Variants in CR2 observed in about 807,000 individuals in gnomAD.
The protein encoded by CR2 is complement C3d receptor 2.
Under a neutral mutation model 123.0 loss-of-function variants are expected in CR2, and 96 were observed. The observed-to-expected ratio is 0.78, with a 90% CI of 0.66 to 0.93. The LOEUF is 0.93. CR2 is among the 40% of genes least tolerant of loss of function. The pLI is 0.00. For missense variants in CR2, 1,258 were observed against 1,361.0 expected, an observed-to-expected ratio of 0.92 and a Z score of 1.19; for synonymous variants, 484 against 469.5, an observed-to-expected ratio of 1.03 and a Z score of -0.40.
chr1:207,462,986 A>T (rs1658003484), intron 1 of CR2, among the ~76,000 whole-genome samples: 1 of 152,216 alleles, frequency 6.6e-6, no homozygotes, highest in Non-Finnish European at 1.5e-5. Flanking sequence ...AAAGTTTTGT[A>T]AATGTAAGAA....
intron 1 of CR2, among the ~76,000 whole-genome samples, chr1:207,460,192 G>C (rs1657932190): frequency 6.6e-6 from 1 of 152,148 alleles, no homozygotes; most frequent in South Asian, 2.1e-4. Flanking sequence ...TGTCTTCATT[G>C]AGGTCAAACC....
intron 18 of CR2, among the ~76,000 whole-genome samples, chr1:207,481,090 C>T (rs766380128): frequency 1.9e-4 from 29 of 151,916 alleles, no homozygotes; most frequent in Non-Finnish European, 2.9e-4. Flanking sequence ...TATATTACTA[C>T]GTTTCTATGT....
chr1:207,469,778 G>A lies in CR2; in HGVS notation c.901G>A (p.Val301Ile), dbSNP rs1658210246. ...SLANVSYGSI[V>I]TYTCDPDPEE... Reference sequence around the variant, plus strand: ...AGCAAATGTCTCATATGGAAGCATAGTCACTTACACTTGTGACCCGGACCC... The same window carrying A: ...AGCAAATGTCTCATATGGAAGCATAATCACTTACACTTGTGACCCGGACCC... Residue 301 changes from valine to isoleucine, a missense_variant, in exon 6 of 20, where the codon GTC (valine) becomes ATC (isoleucine). By Grantham distance (29) the Val-to-Ile change is conservative (BLOSUM62 3). Coordinates refer to ENST00000367057, the MANE Select transcript of CR2 (RefSeq NM_001006658.3). 6.2e-7 allele frequency: 1 copy of A among 1,613,848 alleles called. No homozygotes were observed. Among genetic ancestry groups the A allele is most frequent in the Non-Finnish European group, 8.5e-7 (1 of 1,179,922 alleles).
In CR2 at chr1:207,476,302, T is replaced by G. The variant is rs1201495646; in HGVS notation, c.2785T>G (p.Phe929Val). 1.9e-6 allele frequency: 3 copies of G among 1,613,964 alleles called. No individual in the cohort carries two copies. In the African/African-American group the frequency reaches 4.0e-5, roughly 22 times the overall value. The change falls in exon 15 of 20, where the codon TTT becomes GTT. Residue 929 changes from phenylalanine to valine, a missense_variant. Coordinates refer to ENST00000367057, the MANE Select transcript of CR2 (RefSeq NM_001006658.3). ...GNHTGGNIAR[F>V]SPGMSILYSC... ...CCATACTGGTGGAAACATAGCTCGA[T>G]TTTCTCCTGGAATGTCAATCCTGTA...
chr1:207,480,914 TA>T (rs1396998021), intron 18 of CR2, among the ~76,000 whole-genome samples: 1 of 145,196 alleles, frequency 6.9e-6, no homozygotes, highest in Non-Finnish European at 1.5e-5. Context: ...GAATCATTTA[TA>T]ATTTCAAAAA....
chr1:207,462,029 T>C (rs1657979038), intron 1 of CR2, among the ~76,000 whole-genome samples: 1 of 152,200 alleles, frequency 6.6e-6, no homozygotes, highest in Non-Finnish European at 1.5e-5. Context: ...ATGGTATCCA[T>C]ACTGTGTTAG....
At chr1:207,478,380 TAAC>T (rs1658500924) in intron 16 of CR2, among the ~76,000 whole-genome samples, 1 of 150,326 alleles carries the variant, frequency 6.7e-6, no homozygotes, top group Admixed American at 6.6e-5. Flanking sequence ...ATAATAATAA[TAAC>T]CAGGCATGGA....
rs766120010 is a variant in CR2 at position 207,473,870 on chromosome 1, C to T, written c.2225C>T (p.Thr742Met). The T allele has an allele frequency of 1.7e-5, 27 of 1,613,632 alleles. No homozygotes were observed. Among genetic ancestry groups the T allele is most frequent in the East Asian group, 1.3e-4 (6 of 44,886 alleles). Residue 742 changes from threonine (T) to methionine (M), a missense_variant, in exon 12 of 20, where the codon ACG becomes ATG. Thr to Met is a moderately conservative substitution (Grantham distance 81, BLOSUM62 -1). Coordinates refer to ENST00000367057, the MANE Select transcript of CR2 (RefSeq NM_001006658.3). ...PAGSRVELVNTSCQDGYQLTG... is the reference protein window; with the variant it reads ...PAGSRVELVNMSCQDGYQLTG... Reference sequence around the variant, plus strand: ...GGTTCACGTGTGGAGCTAGTTAATACGTCCTGCCAAGATGGGTGAGTATGA... The same window carrying T: ...GGTTCACGTGTGGAGCTAGTTAATATGTCCTGCCAAGATGGGTGAGTATGA...
chr1:207,487,508 G>A (rs910539486), intron 19 of CR2, among the ~76,000 whole-genome samples: 12 of 152,222 alleles, frequency 7.9e-5, no homozygotes, highest in Non-Finnish European at 1.2e-4. Context: ...CTGACTGGAC[G>A]GAGCTTAAGA....
chr1:207,472,332 CT>C (rs1435989786), intron 9 of CR2, among the ~76,000 whole-genome samples: 1 of 152,182 alleles, frequency 6.6e-6, no homozygotes, highest in Non-Finnish European at 1.5e-5. Context: ...ACTATTGCTA[CT>C]TTCTGGATGA....
rs1317849126 is a variant in CR2, at chr1:207,479,996, T to TA, written c.3132dup (p.Leu1045ThrfsTer42). 4 of 1,613,194 alleles carry TA rather than the reference T, an allele frequency of 2.5e-6. No homozygotes were observed. The highest frequency in any genetic ancestry group is 3.4e-6 in the Non-Finnish European group (4 of 1,179,246). On this transcript the variant is annotated frameshift_variant, in exon 18 of 20. Transcript: ENST00000367057. LOFTEE classifies it high-confidence loss of function. ...CTTCTAGGTATTGCTGCAGGTTTGATACTTCTTACCTTCTTGATTGTCATT... is the reference window on the plus strand; with the variant it reads ...CTTCTAGGTATTGCTGCAGGTTTGATAACTTCTTACCTTCTTGATTGTCATT...
Position 207,485,505 on chromosome 1 carries a change from T to G in CR2, c.3230T>G (p.Leu1077Ter). ...ACAAGCCAGAAAGAAGCTTTTCATT[T>G]AGAAGCACGAGAAGTATATTCTGTT... ...TDTSQKEAFHLEAREVYSVDP... is the reference protein window; with the variant it reads ...TDTSQKEAFH The change falls in exon 19 of 20, where the codon TTA becomes TGA. Residue 1077 changes from leucine (L) to a stop codon, truncating the protein, a stop_gained. Coordinates refer to ENST00000367057, the MANE Select transcript of CR2 (RefSeq NM_001006658.3). LOFTEE classifies it high-confidence loss of function. 1 of 1,613,618 alleles carries G rather than the reference T, an allele frequency of 6.2e-7. No individual in the cohort carries two copies. The highest frequency in any genetic ancestry group is 8.5e-7 in the Non-Finnish European group (1 of 1,179,546).
rs1658839564 is a variant in CR2 at position 207,489,839 on chromosome 1, C to T, written c.*716C>T. 2 of 151,836 alleles carry T rather than the reference C, an allele frequency of 1.3e-5. No individual in the cohort carries two copies. Among genetic ancestry groups the T allele is most frequent in the Admixed American group, 6.6e-5 (1 of 15,250 alleles). 9.4% of individuals were successfully genotyped at this position (151,836 alleles called of 1,614,324 possible). A position where few individuals can be genotyped will look rare whatever the true frequency, so the allele number is the denominator to read the frequency against. ...AGTTCTAGTTGCTTGTAAAATTTCA[C>T]TTAATAATGTGTACATTAGTCATTC... On this transcript the variant is annotated 3_prime_UTR_variant, in exon 20 of 20. Coordinates refer to ENST00000367057, the MANE Select transcript of CR2 (RefSeq NM_001006658.3).
rs1658120677 is a variant in CR2, at chr1:207,467,004, G to C, written c.445+92G>C. On this transcript the variant is annotated intron_variant, in intron 2 of 19. Coordinates refer to ENST00000367057, the MANE Select transcript of CR2 (RefSeq NM_001006658.3). ...TACCCTCCTGAAGGACAAACAGTGT[G>C]AACATGTAATGATGAGGGTGGAAGA... 3 of 1,401,730 alleles carry C rather than the reference G, an allele frequency of 2.1e-6. No individual in the cohort carries two copies. In the Admixed American group the frequency reaches 7.3e-5, roughly 34 times the overall value. 86.8% of individuals were successfully genotyped at this position (1,401,730 alleles called of 1,614,324 possible). A position where few individuals can be genotyped will look rare whatever the true frequency, so the allele number is the denominator to read the frequency against.
chr1:207,478,212 C>G, intron 16 of CR2, 142 bp downstream of exon 16: 1 of 935,496 alleles, frequency 1.1e-6, no homozygotes, highest in Non-Finnish European at 1.6e-6. Context: ...AACTTGAAGT[C>G]AGTGGTCTAT....
At chr1:207,474,348 G>C in intron 13 of CR2, 25 bp downstream of exon 13, 1 of 1,533,474 alleles carries the variant, frequency 6.5e-7, no homozygotes, top group Non-Finnish European at 9.0e-7. Flanking sequence ...ATAAAAGCCT[G>C]ACAATGGTAA....
At chr1:207,468,366 T>G in intron 2 of CR2, 161 bp from the exon 3 acceptor site, 1 of 674,674 alleles carries the variant, frequency 1.5e-6, no homozygotes, top group Non-Finnish European at 2.5e-6. Flanking sequence ...TTTTTTAGCT[T>G]ATCAGCTATC....
In CR2 at chr1:207,466,884, G is replaced by A. The variant is rs763604504; in HGVS notation, c.417G>A (p.Gly139=). The A allele has an allele frequency of 3.1e-6, 5 of 1,603,818 alleles. No individual in the cohort carries two copies. In the East Asian group the frequency reaches 6.7e-5, roughly 21 times the overall value. ...SVWCQANNMW[G]PTRLPTCVSV... ...GGTGTCAAGCAAATAATATGTGGGG[G>A]CCGACACGACTACCAACCTGTGTAA... Residue 139 remains glycine (G), a synonymous_variant, in exon 2 of 20, where the codon GGG becomes GGA. Coordinates refer to ENST00000367057, the MANE Select transcript of CR2 (RefSeq NM_001006658.3).
Position 207,471,407 on chromosome 1 carries a change from G to A in CR2, c.1494-16G>A, listed in dbSNP as rs781333289. The A allele has an allele frequency of 2.4e-5, 38 of 1,595,410 alleles. No individual in the cohort carries two copies. In the African/African-American group the frequency reaches 3.2e-4, roughly 14 times the overall value. On this transcript the variant is annotated splice_polypyrimidine_tract_variant and intron_variant, in intron 8 of 19. Coordinates refer to ENST00000367057, the MANE Select transcript of CR2 (RefSeq NM_001006658.3). Reference sequence around the variant, plus strand: ...GTCACCTGATGGCAAAATGACATACGTGACTCTGTCTCTAGGTACAAGTTA... The same window carrying A: ...GTCACCTGATGGCAAAATGACATACATGACTCTGTCTCTAGGTACAAGTTA...
Sources: gnomAD v4.1 joint callset for allele counts (sites outside exome capture counted in the v4.1 genomes callset) on GRCh38, gnomAD v4.1.1 for gene constraint, MANE v1.5 for transcripts, NCBI Gene and HGNC (gene_info 2026-07-23, HGNC 2026-07-21) for gene names.